Variants in BLOC1S5 observed in about 807,000 individuals in gnomAD.
BLOC1S5 encodes biogenesis of lysosome-related organelles complex 1 subunit 5.
In BLOC1S5, 27 loss-of-function variants were observed where a neutral mutation model predicts 24.3. That is an observed-to-expected ratio of 1.11 (90% CI 0.82 to 1.53). BLOC1S5 has a LOEUF of 1.53. Among genes scored for constraint, BLOC1S5 ranks in the 40% most tolerant of loss-of-function variants. The pLI is 0.00. For synonymous variants in BLOC1S5, 84 were observed against 74.5 expected, an observed-to-expected ratio of 1.13 and a Z score of -0.66; for missense variants, 239 against 229.4, an observed-to-expected ratio of 1.04 and a Z score of -0.27.
chr6:8,031,872 G>A (rs189966008), intron 3 of BLOC1S5, among the ~76,000 whole-genome samples: 211 of 152,250 alleles, frequency 1.4e-3, no homozygotes, highest in Non-Finnish European at 1.9e-3. Context: ...CTAGAGAAAG[G>A]ACACCCTATT....
chr6:8,026,386 C>G lies in BLOC1S5; in HGVS notation c.365G>C (p.Arg122Thr), dbSNP rs1330271312. 1 of 1,613,036 alleles carries G rather than the reference C, an allele frequency of 6.2e-7. No individual in the cohort carries two copies. The highest frequency in any genetic ancestry group is 1.7e-5 in the Admixed American group (1 of 59,986). Reference protein sequence around the residue: ...ANDSVCRLQQREQERKKIHSD... With the variant: ...ANDSVCRLQQTEQERKKIHSD... ...TTTTACCTTTTTTCGTTCCTGTTCC[C>G]TCTGTTGGAGTCTACAGACTGAGTC... Residue 122 changes from arginine (R) to threonine (T), a missense_variant, in exon 4 of 5, where the codon AGG becomes ACG. Arg to Thr is a moderately conservative substitution (Grantham distance 71). Transcript: ENST00000397457.
intron 2 of BLOC1S5, among the ~76,000 whole-genome samples, chr6:8,061,844 A>G (rs1357024931): frequency 6.6e-6 from 1 of 152,260 alleles, no homozygotes; most frequent in Non-Finnish European, 1.5e-5. Flanking sequence ...TTCATGCATC[A>G]CTGTCGCTGG....
intron 2 of BLOC1S5, among the ~76,000 whole-genome samples, chr6:8,057,364 G>T (rs1161411253): frequency 6.6e-6 from 1 of 152,076 alleles, no homozygotes; most frequent in Non-Finnish European, 1.5e-5. Flanking sequence ...TTTAACTGAG[G>T]GGTAACTGTT....
At chr6:8,017,890 G>C (rs531606744) in intron 4 of BLOC1S5, 1 of 152,150 alleles carries the variant, frequency 6.6e-6, no homozygotes, top group African/African-American at 2.4e-5. Flanking sequence ...GAAGTTTTAC[G>C]TAGGTAGCTA....
intron 2 of BLOC1S5, among the ~76,000 whole-genome samples, chr6:8,060,756 TTTAAAAACATATTTATACAACACAC>T (rs1400440496): frequency 1.3e-5 from 2 of 152,208 alleles, no homozygotes; most frequent in African/African-American, 4.8e-5. Context: ...TCAATACAAT[TTTAAAAACATATTTATACAACACAC>T]TGTAAAAATC....
intron 2 of BLOC1S5, among the ~76,000 whole-genome samples, chr6:8,058,569 G>A (rs1764403864): frequency 6.6e-6 from 1 of 152,010 alleles, no homozygotes; most frequent in South Asian, 2.1e-4. Flanking sequence ...GGGTTACTGT[G>A]GTCCCAGCTA....
At chr6:8,022,184 C>T (rs1447008048) in intron 4 of BLOC1S5, among the ~76,000 whole-genome samples, 1 of 150,596 alleles carries the variant, frequency 6.6e-6, no homozygotes, top group African/African-American at 2.5e-5. Flanking sequence ...TTTTACACCC[C>T]TCTTCCCCAG....
chr6:8,058,357 G>GAAAAAAAAAAAAAA (rs60827828), intron 2 of BLOC1S5, among the ~76,000 whole-genome samples: 3 of 84,554 alleles, frequency 3.5e-5, no homozygotes, highest in African/African-American at 7.1e-5. Flanking sequence ...CTGTCTCTAT[G>GAAAAAAAAAAAAAA]AAAAAAAAAA....
intron 4 of BLOC1S5, among the ~76,000 whole-genome samples, chr6:8,019,953 G>A (rs1227960549): frequency 6.6e-6 from 1 of 152,144 alleles, no homozygotes; most frequent in Non-Finnish European, 1.5e-5. Context: ...AAAAGAGGAG[G>A]CAGATACAAA....
chr6:8,029,473 C>A (rs1216271913), intron 3 of BLOC1S5, among the ~76,000 whole-genome samples: 4 of 152,162 alleles, frequency 2.6e-5, no homozygotes, highest in Non-Finnish European at 5.9e-5. Flanking sequence ...GGAGAAGTGT[C>A]CCTGCCTTAA....
chr6:8,047,879 A>G (rs937927410), intron 2 of BLOC1S5, among the ~76,000 whole-genome samples: 3 of 152,248 alleles, frequency 2.0e-5, no homozygotes, highest in Admixed American at 2.0e-4. Flanking sequence ...ATACTCTATG[A>G]GGAGAAACTG....
At chr6:8,020,995 C>T (rs1762896724) in intron 4 of BLOC1S5, among the ~76,000 whole-genome samples, 1 of 152,112 alleles carries the variant, frequency 6.6e-6, no homozygotes, top group Admixed American at 6.5e-5. Flanking sequence ...GGTGGGAGAA[C>T]CTAAACGTCC....
At chr6:8,060,651 G>A (rs894785814) in intron 2 of BLOC1S5, among the ~76,000 whole-genome samples, 7 of 152,288 alleles carry the variant, frequency 4.6e-5, no homozygotes, top group African/African-American at 1.4e-4. Flanking sequence ...TTTAGAGGTA[G>A]ATTTGCTGAT....
chr6:8,061,529 A>G (rs1764517629), intron 2 of BLOC1S5, among the ~76,000 whole-genome samples: 1 of 152,214 alleles, frequency 6.6e-6, no homozygotes, highest in Non-Finnish European at 1.5e-5. Flanking sequence ...CCTGGGAAGT[A>G]TGATGCAGTT....
intron 2 of BLOC1S5, among the ~76,000 whole-genome samples, chr6:8,047,156 TCTCTCACACACACA>T (rs1224832667): frequency 5.0e-5 from 3 of 59,582 alleles, no homozygotes; most frequent in Admixed American, 4.5e-4. Context: ...TCTCTCTCTC[TCTCTCACACACACA>T]CACACACACA....
chr6:8,022,568 A>ATTTTTTTTTT (rs35289860), intron 4 of BLOC1S5, among the ~76,000 whole-genome samples: 5 of 123,966 alleles, frequency 4.0e-5, no homozygotes, highest in Non-Finnish European at 4.9e-5. Flanking sequence ...TTCAAACTCT[A>ATTTTTTTTTT]TTTTTTTTTT....
intron 2 of BLOC1S5, among the ~76,000 whole-genome samples, chr6:8,043,184 A>C (rs1325819575): frequency 6.6e-6 from 1 of 152,120 alleles, no homozygotes; most frequent in African/African-American, 2.4e-5. Flanking sequence ...ATAGAGCAAA[A>C]CCACCCTCCC....
chr6:8,039,754 T>G (rs1225357157), intron 3 of BLOC1S5, among the ~76,000 whole-genome samples: 5 of 152,198 alleles, frequency 3.3e-5, no homozygotes, highest in Admixed American at 3.3e-4. Context: ...CTGTTCTAGG[T>G]GCCTGAGATA....
chr6:8,040,738 C>A (rs1345951551), intron 3 of BLOC1S5, among the ~76,000 whole-genome samples: 1 of 151,976 alleles, frequency 6.6e-6, no homozygotes, highest in Non-Finnish European at 1.5e-5. Flanking sequence ...CACCTGTAGT[C>A]TCAGCTACTC....
Sources: allele counts gnomAD v4.1 joint callset (sites outside exome capture counted in the v4.1 genomes callset), GRCh38; gene constraint gnomAD v4.1.1; transcripts MANE v1.5; gene names NCBI Gene and HGNC (gene_info 2026-07-23, HGNC 2026-07-21).